HMCN1: variants seen among roughly 807,000 people sequenced by gnomAD.
The protein encoded by HMCN1 is hemicentin-1.
A neutral mutation model predicts 625.9 loss-of-function variants in HMCN1; 321 were observed. That is an observed-to-expected ratio of 0.51 (90% CI 0.47 to 0.56). HMCN1 has a LOEUF of 0.56. HMCN1 is among the 20% of genes least tolerant of loss of function. The pLI, the probability that HMCN1 is intolerant of heterozygous loss-of-function variation, is 0.00. For missense variants in HMCN1, 6,588 were observed against 6,887.3 expected, an observed-to-expected ratio of 0.96 and a Z score of 1.54; for synonymous variants, 2,425 against 2,417.6, an observed-to-expected ratio of 1.00 and a Z score of -0.09.
intron 4 of HMCN1, among the ~76,000 whole-genome samples, chr1:185,870,538 A>G (rs1663546831): frequency 6.6e-6 from 1 of 152,206 alleles, no homozygotes; most frequent in South Asian, 2.1e-4. Flanking sequence ...TTACCATTAC[A>G]ATAAAAACAT....
At chr1:186,137,197 A>G (rs1449209632) in intron 87 of HMCN1, among the ~76,000 whole-genome samples, 2 of 152,202 alleles carry the variant, frequency 1.3e-5, no homozygotes, top group African/African-American at 2.4e-5. Flanking sequence ...AAATCAATGT[A>G]TATGTTTTGC....
At chr1:185,953,319 A>G (rs1482645972) in intron 11 of HMCN1, among the ~76,000 whole-genome samples, 1 of 151,858 alleles carries the variant, frequency 6.6e-6, no homozygotes, top group East Asian at 1.9e-4. Context: ...AGGGTGAAGG[A>G]CCAAGGCAGG....
intron 1 of HMCN1, among the ~76,000 whole-genome samples, chr1:185,806,984 TA>T (rs1347698616): frequency 6.6e-6 from 1 of 152,314 alleles, no homozygotes; most frequent in East Asian, 1.9e-4. Flanking sequence ...TGAAAATCTA[TA>T]AAATTACACC....
intron 106 of HMCN1, among the ~76,000 whole-genome samples, chr1:186,189,274 C>T (rs1653562458): frequency 6.6e-6 from 1 of 152,160 alleles, no homozygotes; most frequent in African/African-American, 2.4e-5. Context: ...GGCTCAGACA[C>T]TTCTGCTTTT....
At position 186,144,635 on chromosome 1, in the gene HMCN1, A is replaced by G. The variant is rs1307469418; in HGVS notation, c.14198A>G (p.Gln4733Arg). The G allele has an allele frequency of 2.2e-5, 35 of 1,614,040 alleles. No homozygotes were observed. Among genetic ancestry groups the G allele is most frequent in the Non-Finnish European group, 2.9e-5 (34 of 1,180,024 alleles). ...RTRGCSDPVP[Q>R]YGGRKCEGSD... is the part of the protein sequence containing the mutation. Reference sequence around the variant, plus strand: ...AGGGGCTGCTCCGACCCTGTGCCCCAGTATGGAGGAAGGAAATGCGAAGGG... The same window carrying G: ...AGGGGCTGCTCCGACCCTGTGCCCCGGTATGGAGGAAGGAAATGCGAAGGG... The change falls in exon 91 of 107, where the codon CAG becomes CGG. Residue 4733 changes from glutamine to arginine, a missense_variant. By Grantham distance (43) the Gln-to-Arg change is conservative. This residue lies in a region of HMCN1 where 1,954 missense variants were observed against 2,013.1 expected (regional missense o/e 0.97). Coordinates refer to ENST00000271588, the MANE Select transcript of HMCN1 (RefSeq NM_031935.3).
intron 11 of HMCN1, among the ~76,000 whole-genome samples, chr1:185,944,817 A>C (rs1270948201): frequency 6.6e-6 from 1 of 152,220 alleles, no homozygotes; most frequent in African/African-American, 2.4e-5. Flanking sequence ...TTAGTACCCA[A>C]TATTGCATGC....
chr1:185,803,204 G>GAAAAAAAAAAAAAAAAAAA (rs1557981375), intron 1 of HMCN1, among the ~76,000 whole-genome samples: 5 of 23,714 alleles, frequency 2.1e-4, no homozygotes, highest in Non-Finnish European at 2.5e-4. Context: ...AAAAAAAAAA[G>GAAAAAAAAAAAAAAAAAAA]CAAAAAAAAA....
intron 1 of HMCN1, among the ~76,000 whole-genome samples, chr1:185,763,623 A>T (rs893152442): frequency 7.9e-5 from 12 of 152,168 alleles, no homozygotes; most frequent in African/African-American, 2.7e-4. Context: ...TATCTAATAC[A>T]TTGTAGAAGG....
chr1:185,865,773 C>T lies in HMCN1; in HGVS notation c.531C>T (p.Asp177=), dbSNP rs905823887. 6.2e-7 allele frequency: 1 copy of T among 1,609,778 alleles called. No homozygotes were observed. The highest frequency in any genetic ancestry group is 8.5e-7 in the Non-Finnish European group (1 of 1,177,648). Residue 177 remains aspartate, a synonymous_variant, in exon 4 of 107, where the codon GAC becomes GAT. Coordinates refer to ENST00000271588, the MANE Select transcript of HMCN1 (RefSeq NM_031935.3). Reference sequence around the variant, plus strand: ...TTGTTCTGACTGGAGATTGTGATGACAGGACCCATATTGGATATAAAGTCT... The same window carrying T: ...TTGTTCTGACTGGAGATTGTGATGATAGGACCCATATTGGATATAAAGTCT... The part of the protein sequence containing the change: ...VVFVLTGDCD[D]RTHIGYKVYE...
At chr1:185,772,583 G>A (rs938287880) in intron 1 of HMCN1, among the ~76,000 whole-genome samples, 4 of 152,110 alleles carry the variant, frequency 2.6e-5, no homozygotes, top group African/African-American at 4.8e-5. Context: ...AAGAAGAAAT[G>A]TATTTCTGGA....
In HMCN1 at chr1:185,808,673, G is replaced by A. The variant is rs10911778; in HGVS notation, c.269-37353G>A. 2.4e-3 allele frequency among the ~76,000 whole-genome samples: 368 copies of A among 152,148 alleles called. 2 individuals are homozygous for A. The highest frequency in any genetic ancestry group is 8.4e-3 in the African/African-American group (350 of 41,512). ...ATGGCTGTATTTCATATTATATTTT[G>A]ATGTTTGCAATTTGATAAACTACAT... On this transcript the variant is annotated intron_variant, in intron 1 of 106. Coordinates refer to ENST00000271588, the MANE Select transcript of HMCN1 (RefSeq NM_031935.3).
chr1:185,929,807 A>G (rs1477389985), intron 10 of HMCN1, among the ~76,000 whole-genome samples: 1 of 152,224 alleles, frequency 6.6e-6, no homozygotes, highest in Non-Finnish European at 1.5e-5. Context: ...CTAGAAAAAT[A>G]AAGTTTGTCT....
chr1:185,897,496 A>C (rs943856064), intron 4 of HMCN1, among the ~76,000 whole-genome samples: 1 of 152,140 alleles, frequency 6.6e-6, no homozygotes, highest in African/African-American at 2.4e-5. Context: ...CACTGTACAC[A>C]CACACCAGCT....
intron 4 of HMCN1, among the ~76,000 whole-genome samples, chr1:185,897,628 T>G (rs1431922636): frequency 1.3e-5 from 2 of 152,236 alleles, no homozygotes; most frequent in Non-Finnish European, 2.9e-5. Context: ...CCTTCAATTT[T>G]CAATCTCAAG....
chr1:185,912,282 A>G (rs1666466548), intron 6 of HMCN1, among the ~76,000 whole-genome samples: 1 of 152,144 alleles, frequency 6.6e-6, no homozygotes. Context: ...AATTAATATG[A>G]TACACCTGAA....
chr1:185,933,957 C>T (rs575766286), intron 11 of HMCN1, 133 bp downstream of exon 11: 2 of 812,854 alleles, frequency 2.5e-6, no homozygotes, highest in South Asian at 1.4e-5. Flanking sequence ...TGATAGAATG[C>T]TTAACATACT....
chr1:185,925,328 C>A, intron 9 of HMCN1, 137 bp downstream of exon 9: 2 of 818,004 alleles, frequency 2.4e-6, no homozygotes, highest in Non-Finnish European at 4.1e-6. Context: ...ACAAAATGGA[C>A]ACAAATCTGT....
At position 185,928,619 on chromosome 1, in the gene HMCN1, G is replaced by A. The variant is rs1170719251; in HGVS notation, c.1504G>A (p.Val502Ile). 1 of 1,613,614 alleles carries A rather than the reference G, an allele frequency of 6.2e-7. No individual in the cohort carries two copies. Among genetic ancestry groups the A allele is most frequent in the Non-Finnish European group, 8.5e-7 (1 of 1,179,552 alleles). The change falls in exon 10 of 107, where the codon GTC (valine) becomes ATC (isoleucine). Residue 502 changes from valine (V) to isoleucine (I), a missense_variant. Physicochemically the swap from Val to Ile is conservative, Grantham distance 29 (BLOSUM62 3). Coordinates refer to ENST00000271588, the MANE Select transcript of HMCN1 (RefSeq NM_031935.3). Reference protein sequence around the residue: ...SDEGFYECIAVSSAGTGRAQT... With the variant: ...SDEGFYECIAISSAGTGRAQT... Reference sequence around the variant, plus strand: ...CGAAGGTTTCTATGAATGCATTGCTGTCAGCAGTGCAGGTACTGGACGGGC... The same window carrying A: ...CGAAGGTTTCTATGAATGCATTGCTATCAGCAGTGCAGGTACTGGACGGGC...
At chr1:185,964,024 A>G (rs982972192) in intron 13 of HMCN1, 129 bp downstream of exon 13, 7 of 799,890 alleles carry the variant, frequency 8.8e-6, no homozygotes, top group Non-Finnish European at 1.4e-5. Context: ...TTCATTTCAC[A>G]CACTGATTGA....
Sources: allele counts gnomAD v4.1 joint callset (sites outside exome capture counted in the v4.1 genomes callset), GRCh38; gene constraint gnomAD v4.1.1; regional missense constraint gnomAD v4.1.1; transcripts MANE v1.5; gene names NCBI Gene and HGNC (gene_info 2026-07-23, HGNC 2026-07-21).